Variants in SPACDR observed in about 807,000 individuals in gnomAD.
The protein encoded by SPACDR is sperm acrosome developmental regulator.
chr7:100,457,801 ATATGTGTGTGTG>A, the SPACDR span, among the ~76,000 whole-genome samples: 1 of 74,380 alleles, frequency 1.3e-5, no homozygotes, highest in African/African-American at 5.9e-5. Flanking sequence ...TTATATATAT[ATATGTGTGTGTG>A]TGTGTGTGTG....
At chr7:100,461,257 T>C in the SPACDR span, among the ~76,000 whole-genome samples, 1 of 151,902 alleles carries the variant, frequency 6.6e-6, no homozygotes, top group African/African-American at 2.4e-5. Flanking sequence ...CTGATTTTTG[T>C]TTTTGTTTTT....
chr7:100,458,801 C>T, the SPACDR span, among the ~76,000 whole-genome samples: 1 of 151,930 alleles, frequency 6.6e-6, no homozygotes, highest in Non-Finnish European at 1.5e-5. Context: ...GTGGTGGGCA[C>T]CTGTGGTCCC....
the SPACDR span, chr7:100,463,908 G>C: frequency 6.4e-7 from 1 of 1,561,816 alleles, no homozygotes; most frequent in Non-Finnish European, 8.7e-7. Flanking sequence ...GGGCTGCTGC[G>C]ACCCATGCCC....
the SPACDR span, among the ~76,000 whole-genome samples, chr7:100,458,488 C>A: frequency 6.6e-6 from 1 of 152,164 alleles, no homozygotes; most frequent in Admixed American, 6.6e-5. Context: ...ACACTCTTCT[C>A]CCCCTATCTC....
chr7:100,457,803 A>ATATATATGTGTGTGTGTGTGTGTG, the SPACDR span, among the ~76,000 whole-genome samples: 1 of 72,586 alleles, frequency 1.4e-5, no homozygotes, highest in African/African-American at 6.5e-5. Flanking sequence ...ATATATATAT[A>ATATATATGTGTGTGTGTGTGTGTG]TGTGTGTGTG....
the SPACDR span, chr7:100,463,725 G>A: frequency 4.5e-6 from 7 of 1,548,226 alleles, no homozygotes; most frequent in Admixed American, 1.7e-5. Context: ...CAGGAGAGAG[G>A]GGCAGGGCAG....
At chr7:100,457,803 A>ATATGTGTGTGTGTG in the SPACDR span, among the ~76,000 whole-genome samples, 65 of 72,580 alleles carry the variant, frequency 9.0e-4, no homozygotes, top group South Asian at 1.2e-3. Context: ...ATATATATAT[A>ATATGTGTGTGTGTG]TGTGTGTGTG....
At chr7:100,457,851 A>AT in the SPACDR span, among the ~76,000 whole-genome samples, 3 of 29,612 alleles carry the variant, frequency 1.0e-4, no homozygotes, top group African/African-American at 3.9e-4. Context: ...GTATATATAT[A>AT]TATATATTTT....
the SPACDR span, among the ~76,000 whole-genome samples, chr7:100,457,612 C>A: frequency 9.2e-5 from 13 of 141,676 alleles, no homozygotes; most frequent in African/African-American, 3.4e-4. Flanking sequence ...AGCCACCATG[C>A]CTGGCCTTTT....
the SPACDR span, chr7:100,464,092 T>TGGGGGGGGGTGGGG: frequency 7.8e-6 from 1 of 127,752 alleles, no homozygotes; most frequent in Non-Finnish European, 1.2e-5. Flanking sequence ...GGGTGGCGGG[T>TGGGGGGGGGTGGGG]GGGGGATGGG....
At chr7:100,460,872 A>G in the SPACDR span, among the ~76,000 whole-genome samples, 2 of 151,500 alleles carry the variant, frequency 1.3e-5, no homozygotes, top group African/African-American at 4.9e-5. Context: ...CAAGCTTACA[A>G]TCCTACCCAA....
At chr7:100,457,801 A>ATGTGTGTGTGTGTG in the SPACDR span, among the ~76,000 whole-genome samples, 3,323 of 73,598 alleles carry the variant, frequency 0.045, 96 homozygotes, top group South Asian at 0.069. Flanking sequence ...TTATATATAT[A>ATGTGTGTGTGTGTG]TATGTGTGTG....
the SPACDR span, chr7:100,456,658 C>T: frequency 1.2e-5 from 10 of 827,378 alleles, no homozygotes; most frequent in South Asian, 1.8e-4. Flanking sequence ...TATTTTGATA[C>T]TTGTTTTACA....
At chr7:100,458,198 GT>G in the SPACDR span, among the ~76,000 whole-genome samples, 2 of 11,432 alleles carry the variant, frequency 1.7e-4, no homozygotes, top group East Asian at 2.2e-3. Context: ...ACTCACTGGT[GT>G]GTGTGTGTGT....
the SPACDR span, chr7:100,463,845 C>A: frequency 1.5e-6 from 2 of 1,327,126 alleles, no homozygotes; most frequent in Non-Finnish European, 2.1e-6. Flanking sequence ...CCTTCCTCCC[C>A]ACTCCATCTT....
At chr7:100,456,991 A>C in the SPACDR span, 5 of 1,605,066 alleles carry the variant, frequency 3.1e-6, no homozygotes, top group Admixed American at 8.5e-5. Context: ...GATGACTGTA[A>C]GAGAAAGAGA....
At chr7:100,463,117 AAAAAG>A in the SPACDR span, among the ~76,000 whole-genome samples, 1 of 150,986 alleles carries the variant, frequency 6.6e-6, no homozygotes, top group African/African-American at 2.4e-5. Flanking sequence ...GAGAAAAAAA[AAAAAG>A]AAAGGAAGAA....
chr7:100,463,028 G>A, the SPACDR span, among the ~76,000 whole-genome samples: 2 of 150,620 alleles, frequency 1.3e-5, no homozygotes, highest in Non-Finnish European at 3.0e-5. Context: ...AGCTTAAACC[G>A]GGGAGGTGGA....
chr7:100,462,248 C>T, the SPACDR span, among the ~76,000 whole-genome samples: 1 of 152,076 alleles, frequency 6.6e-6, no homozygotes, highest in Admixed American at 6.6e-5. Context: ...GAGTCTCGCT[C>T]TGTCGCCCAG....
Sources: gnomAD v4.1 joint callset for allele counts (sites outside exome capture counted in the v4.1 genomes callset) on GRCh38, gnomAD v4.1.1 for gene constraint, MANE v1.5 for transcripts, NCBI Gene and HGNC (gene_info 2026-07-23, HGNC 2026-07-21) for gene names.